USP43: variants seen among roughly 807,000 people sequenced by gnomAD.
USP43 encodes the protein ubiquitin specific peptidase 43.
Under a neutral mutation model 90.7 loss-of-function variants are expected in USP43, and 33 were observed. The ratio of observed to expected loss-of-function variants is 0.36; its 90% CI spans 0.28 to 0.49. The LOEUF (loss-of-function observed/expected upper bound fraction) is 0.49. Ranked by LOEUF, USP43 falls within the 20% of genes least tolerant of loss-of-function variation. The pLI is 0.98. For missense variants in USP43, 1,274 were observed against 1,476.4 expected (o/e 0.86, Z 2.25); for synonymous variants, 598 against 615.8 (o/e 0.97, Z 0.43).
intron 1 of USP43, among the ~76,000 whole-genome samples, chr17:9,649,790 A>G (rs1192417962): frequency 1.3e-5 from 2 of 152,064 alleles, no homozygotes; most frequent in African/African-American, 2.4e-5. Context: ...TATACAAACA[A>G]TTGAAAATTT....
chr17:9,680,515 G>T (rs1914095912), intron 6 of USP43, 149 bp downstream of exon 6: 7 of 918,152 alleles, frequency 7.6e-6, no homozygotes, highest in South Asian at 1.9e-5. Context: ...TGTGCAGATG[G>T]TTGATATTAA....
Position 9,729,186 on chromosome 17 carries a change from A to G in USP43, c.*196A>G. ...AAGGTCCATATAACCCAAGGTCGAAAACCTTCCTGCATCATTGGGTGCTTT... is the reference window on the plus strand; with the variant it reads ...AAGGTCCATATAACCCAAGGTCGAAGACCTTCCTGCATCATTGGGTGCTTT... On this transcript the variant is annotated 3_prime_UTR_variant, in exon 15 of 15. Transcript: ENST00000285199. 2.3e-6 allele frequency: 1 copy of G among 427,094 alleles called. No individual in the cohort carries two copies. Among genetic ancestry groups the G allele is most frequent in the Admixed American group, 4.3e-5 (1 of 23,424 alleles). 26.5% of individuals were successfully genotyped at this position (427,094 alleles called of 1,614,324 possible).
At chr17:9,717,996 C>T (rs899942564) in intron 14 of USP43, among the ~76,000 whole-genome samples, 3 of 151,904 alleles carry the variant, frequency 2.0e-5, no homozygotes, top group Non-Finnish European at 4.4e-5. Context: ...GGGGGTTTCA[C>T]CATGTTGGCC....
intron 8 of USP43, among the ~76,000 whole-genome samples, chr17:9,690,375 A>G (rs1451325359): frequency 1.3e-5 from 2 of 152,078 alleles, no homozygotes; most frequent in Non-Finnish European, 2.9e-5. Flanking sequence ...TTAAGCACCT[A>G]TTTCTTTTAT....
chr17:9,689,208 T>G (rs1277369743), intron 8 of USP43, among the ~76,000 whole-genome samples: 1 of 152,190 alleles, frequency 6.6e-6, no homozygotes, highest in Non-Finnish European at 1.5e-5. Context: ...TATTAAATAC[T>G]GGTTCAAATA....
intron 3 of USP43, among the ~76,000 whole-genome samples, chr17:9,670,007 G>A (rs1949508849): frequency 6.6e-6 from 1 of 150,984 alleles, no homozygotes; most frequent in African/African-American, 2.4e-5. Flanking sequence ...AAAGGAGGGA[G>A]TGATCTAGTT....
chr17:9,706,337 A>G (rs1358780552), intron 12 of USP43, among the ~76,000 whole-genome samples: 1 of 152,142 alleles, frequency 6.6e-6, no homozygotes, highest in East Asian at 1.9e-4. Context: ...GCCATGCAGA[A>G]AGTTTTTATT....
chr17:9,726,122 C>T (rs1389436935), intron 14 of USP43, among the ~76,000 whole-genome samples: 1 of 152,156 alleles, frequency 6.6e-6, no homozygotes, highest in Admixed American at 6.5e-5. Flanking sequence ...TTTCTAACTC[C>T]TTTTGGAGGT....
At chr17:9,658,408 A>G (rs1597818084) in intron 2 of USP43, among the ~76,000 whole-genome samples, 1 of 152,316 alleles carries the variant, frequency 6.6e-6, no homozygotes, top group East Asian at 1.9e-4. Flanking sequence ...TCCATGTATC[A>G]GAGAGATTGG....
chr17:9,676,746 G>A lies in USP43; in HGVS notation c.834G>A (p.Arg278=), dbSNP rs749434141. Residue 278 remains arginine, a splice_region_variant and synonymous_variant, in exon 5 of 15, where the codon AGG becomes AGA. Transcript: ENST00000285199. ...GGTGTTGCCCCTTCCTATTTTCCAG[G>A]TTCTTGAGTGTCACCTTGGTCTTCC... The part of the protein sequence containing the change: ...VSLPIPLRQT[R]FLSVTLVFPS... The A allele has an allele frequency of 2.5e-5, 41 of 1,612,950 alleles. No individual in the cohort carries two copies. The South Asian group carries it at 4.5e-4, about 18-fold the overall frequency.
chr17:9,666,419 C>T (rs930129454), intron 2 of USP43, among the ~76,000 whole-genome samples: 15 of 152,198 alleles, frequency 9.9e-5, no homozygotes, highest in Middle Eastern at 3.4e-3. Flanking sequence ...GGTTCAGGCT[C>T]AGGTTTGCTC....
Position 9,686,854 on chromosome 17 carries a change from A to G in USP43, c.1298A>G (p.Gln433Arg). 1 of 1,613,896 alleles carries G rather than the reference A, an allele frequency of 6.2e-7. No homozygotes were observed. The highest frequency in any genetic ancestry group is 1.1e-5 in the South Asian group (1 of 91,076). ...AGAGCTGTTTCCTGGGCCCAGCTCC[A>G]GCAGTCTATCCTCAGCAAGGTCCGC... Reference protein sequence around the residue: ...EDRAVSWAQLQQSILSKVRHL... With the variant: ...EDRAVSWAQLRQSILSKVRHL... The change falls in exon 8 of 15, where the codon CAG (glutamine) becomes CGG (arginine). Residue 433 changes from glutamine to arginine, a missense_variant. This residue lies in a region of USP43 where 253 missense variants were observed against 276.0 expected (regional missense o/e 0.92). Transcript: ENST00000285199. This position sits in a 1 kb window ranked among gnomAD's most constrained non-coding sequence, Gnocchi z 5.5.
chr17:9,649,312 CAGAA>C (rs749013883), intron 1 of USP43, among the ~76,000 whole-genome samples: 19 of 152,078 alleles, frequency 1.2e-4, no homozygotes, highest in Non-Finnish European at 2.4e-4. Context: ...CTCTGAAAAA[CAGAA>C]AGAAAAGTCC....
intron 1 of USP43, among the ~76,000 whole-genome samples, chr17:9,649,372 T>A (rs949539703): frequency 6.6e-6 from 1 of 152,166 alleles, no homozygotes; most frequent in Non-Finnish European, 1.5e-5. Flanking sequence ...TTCTTTTTTT[T>A]AAATTTTATA....
chr17:9,728,434 T>C lies in USP43; in HGVS notation c.2816T>C (p.Val939Ala), dbSNP rs1276828341. The C allele has an allele frequency of 2.5e-6, 4 of 1,611,808 alleles. No homozygotes were observed. The highest frequency in any genetic ancestry group is 2.2e-5 in the South Asian group (2 of 90,762). The change falls in exon 15 of 15, where the codon GTG becomes GCG. Residue 939 changes from valine (V) to alanine (A), a missense_variant. By Grantham distance (64) the Val-to-Ala change is moderately conservative. Transcript: ENST00000285199. The surrounding 1 kb of genome is among the most constrained non-coding windows in gnomAD (Gnocchi z 6.2). The stretch of plus-strand genomic sequence containing the variant: ...CTGCCTCTCACTGTGATGCCTTCAG[T>C]GGAGCATGAGAAACCAGCTCGACCG... ...FDLPLTVMPS[V>A]EHEKPARPEG... is the part of the protein sequence containing the mutation.
chr17:9,683,040 A>G, intron 7 of USP43, 82 bp downstream of exon 7: 1 of 1,515,658 alleles, frequency 6.6e-7, no homozygotes, highest in South Asian at 1.3e-5. Context: ...AGTAAAATTA[A>G]ACATTTATTC....
chr17:9,708,920 C>A (rs186629793), intron 12 of USP43, among the ~76,000 whole-genome samples: 27 of 152,154 alleles, frequency 1.8e-4, no homozygotes, highest in Admixed American at 1.8e-3. Context: ...AACCACCACG[C>A]CCGGCCTGTT....
chr17:9,690,282 A>G (rs113980481), intron 8 of USP43, among the ~76,000 whole-genome samples: 154 of 152,326 alleles, frequency 1.0e-3, no homozygotes, highest in African/African-American at 3.5e-3. Context: ...GTTTTTAAGA[A>G]AACATGTCTG....
At position 9,729,031 on chromosome 17, in the gene USP43, C is replaced by T; in HGVS notation, c.*41C>T. 1 of 1,482,920 alleles carries T rather than the reference C, an allele frequency of 6.7e-7. No homozygotes were observed. Among genetic ancestry groups the T allele is most frequent in the Non-Finnish European group, 9.0e-7 (1 of 1,113,042 alleles). 91.9% of individuals were successfully genotyped at this position (1,482,920 alleles called of 1,614,324 possible). A position where few individuals can be genotyped will look rare whatever the true frequency, so the allele number is the denominator to read the frequency against. ...TTGTGTGACGCTGGCATTCTTGGGA[C>T]TTTGCCAAGCAACTGTAGGCAGCTC... On this transcript the variant is annotated 3_prime_UTR_variant, in exon 15 of 15. Coordinates refer to ENST00000285199, the MANE Select transcript of USP43 (RefSeq NM_153210.5).
Sources: allele counts gnomAD v4.1 joint callset (sites outside exome capture counted in the v4.1 genomes callset), GRCh38; gene constraint gnomAD v4.1.1; regional missense constraint gnomAD v4.1.1; non-coding constraint Gnocchi (gnomAD v3.1); transcripts MANE v1.5; gene names NCBI Gene and HGNC (gene_info 2026-07-23, HGNC 2026-07-21).